RBFOX1: variants seen among roughly 807,000 people sequenced by gnomAD.
RBFOX1 encodes the protein RNA binding protein fox-1 homolog 1.
A neutral mutation model predicts 57.7 loss-of-function variants in RBFOX1; 8 were observed. The observed-to-expected ratio is 0.14, with a 90% CI of 0.08 to 0.25. RBFOX1 has a LOEUF of 0.25. Among genes scored for constraint, RBFOX1 ranks in the 10% least tolerant of loss-of-function variants. RBFOX1 has a pLI of 1.00. For missense variants in RBFOX1, 611 were observed against 548.5 expected (o/e 1.11, Z -1.14); for synonymous variants, 326 against 222.4 (o/e 1.47, Z -4.15).
intron 4 of RBFOX1, among the ~76,000 whole-genome samples, chr16:7,094,791 T>TGTGTGTGTGTGTG (rs1419435083): frequency 1.5e-5 from 2 of 131,496 alleles, no homozygotes; most frequent in African/African-American, 5.3e-5. Flanking sequence ...TGTGTGTGTG[T>TGTGTGTGTGTGTG]TGAGAGAGAG....
chr16:7,465,116 G>A (rs1254097864), intron 4 of RBFOX1, among the ~76,000 whole-genome samples: 1 of 152,070 alleles, frequency 6.6e-6, no homozygotes, highest in African/African-American at 2.4e-5. Flanking sequence ...AGAACCCCAA[G>A]TTATTTTCTA....
intron 2 of RBFOX1, among the ~76,000 whole-genome samples, chr16:6,541,699 A>C (rs2096822164): frequency 6.6e-6 from 1 of 152,228 alleles, no homozygotes. Flanking sequence ...CAAATGCTGT[A>C]GGTCAGAGAT....
intron 3 of RBFOX1, among the ~76,000 whole-genome samples, chr16:5,631,512 G>C (rs1004160766): frequency 1.3e-5 from 2 of 150,712 alleles, no homozygotes; most frequent in African/African-American, 2.4e-5. Context: ...AGCCGAGATC[G>C]CACCACTGCA....
chr16:7,047,716 CTTTTTTTTT>C (rs55636828), intron 3 of RBFOX1, among the ~76,000 whole-genome samples: 35 of 47,928 alleles, frequency 7.3e-4, no homozygotes, highest in Middle Eastern at 0.026. Context: ...TCCTGCATTT[CTTTTTTTTT>C]TTTTTTTTTT....
chr16:6,069,595 G>T (rs1435822106), intron 1 of RBFOX1, among the ~76,000 whole-genome samples: 3 of 152,084 alleles, frequency 2.0e-5, no homozygotes, highest in Non-Finnish European at 4.4e-5. Context: ...AGAATTTCAA[G>T]GTCATATAAA....
chr16:7,364,298 C>G (rs981649315), intron 4 of RBFOX1, among the ~76,000 whole-genome samples: 1 of 152,020 alleles, frequency 6.6e-6, no homozygotes, highest in African/African-American at 2.4e-5. Flanking sequence ...ATCTGTTTAT[C>G]TTGCAGTTAC....
intron 3 of RBFOX1, among the ~76,000 whole-genome samples, chr16:6,688,084 T>C (rs1816540428): frequency 6.6e-6 from 1 of 152,106 alleles, no homozygotes; most frequent in Admixed American, 6.5e-5. Flanking sequence ...ACTGGGTAAT[T>C]TACAAAGAAA....
chr16:5,656,901 G>A (rs1369987927), intron 3 of RBFOX1, among the ~76,000 whole-genome samples: 1 of 152,164 alleles, frequency 6.6e-6, no homozygotes, highest in African/African-American at 2.4e-5. Context: ...ATGGACACAG[G>A]GAGGGGAACA....
intron 2 of RBFOX1, among the ~76,000 whole-genome samples, chr16:5,473,789 G>T (rs188492683): frequency 6.7e-6 from 1 of 149,696 alleles, no homozygotes; most frequent in Non-Finnish European, 1.5e-5. Context: ...ATGGATAGAT[G>T]AATTGAAAGA....
At chr16:6,713,329 G>A (rs887629792) in intron 3 of RBFOX1, among the ~76,000 whole-genome samples, 6 of 151,952 alleles carry the variant, frequency 3.9e-5, no homozygotes, top group African/African-American at 7.3e-5. Context: ...AAAGTCTCAC[G>A]GGAGTCTTGA....
intron 4 of RBFOX1, among the ~76,000 whole-genome samples, chr16:7,304,895 AAGTGTGT>A (rs1291486263): frequency 5.4e-5 from 8 of 148,244 alleles, no homozygotes; most frequent in Non-Finnish European, 1.2e-4. Context: ...TGGAAAGGAG[AAGTGTGT>A]GGTGTGTGGT....
chr16:7,317,707 G>A (rs775743005), intron 4 of RBFOX1, among the ~76,000 whole-genome samples: 6 of 152,180 alleles, frequency 3.9e-5, no homozygotes, highest in Non-Finnish European at 5.9e-5. Flanking sequence ...GTGCATTCAC[G>A]GGAATGTGAA....
chr16:5,703,111 A>C (rs1266360773), intron 3 of RBFOX1, among the ~76,000 whole-genome samples: 4 of 152,246 alleles, frequency 2.6e-5, no homozygotes, highest in African/African-American at 9.6e-5. Flanking sequence ...GTCTTTGCCC[A>C]CATGGCATTT....
chr16:5,338,436 CAG>C (rs1424195630), intron 1 of RBFOX1, among the ~76,000 whole-genome samples: 1 of 152,094 alleles, frequency 6.6e-6, no homozygotes, highest in Non-Finnish European at 1.5e-5. Context: ...AGCTGGTTTG[CAG>C]AGAGAAAATG....
At chr16:6,491,228 A>G (rs1194386602) in intron 2 of RBFOX1, among the ~76,000 whole-genome samples, 2 of 151,998 alleles carry the variant, frequency 1.3e-5, no homozygotes, top group East Asian at 3.9e-4. Flanking sequence ...TAAACTATAT[A>G]TATAGTTTAA....
chr16:6,738,910 A>C (rs1236464387), intron 3 of RBFOX1, among the ~76,000 whole-genome samples: 1 of 152,232 alleles, frequency 6.6e-6, no homozygotes, highest in Non-Finnish European at 1.5e-5. Flanking sequence ...GAAGTCTCAT[A>C]ATACATTTTA....
intron 3 of RBFOX1, among the ~76,000 whole-genome samples, chr16:6,723,463 T>G (rs17141087): frequency 0.012 from 1,770 of 152,288 alleles, 41 homozygotes; most frequent in African/African-American, 0.04. Context: ...CATAATGTTA[T>G]GTATTATAGT....
At chr16:7,069,226 G>T (rs951722213) in intron 4 of RBFOX1, among the ~76,000 whole-genome samples, 1 of 151,956 alleles carries the variant, frequency 6.6e-6, no homozygotes, top group East Asian at 1.9e-4. Flanking sequence ...CAGGATACAT[G>T]TGCAGGATGT....
At chr16:6,360,927 A>AG (rs1219124818) in intron 2 of RBFOX1, among the ~76,000 whole-genome samples, 3 of 144,042 alleles carry the variant, frequency 2.1e-5, no homozygotes, top group East Asian at 1.9e-4. Context: ...TCTTTACTTC[A>AG]GGGGTGGTCC....
Sources: allele counts gnomAD v4.1 joint callset (sites outside exome capture counted in the v4.1 genomes callset), GRCh38; gene constraint gnomAD v4.1.1; transcripts MANE v1.5; gene names NCBI Gene and HGNC (gene_info 2026-07-23, HGNC 2026-07-21).